Variants in HS3ST4 observed in about 807,000 individuals in gnomAD.
HS3ST4 encodes heparan sulfate glucosamine 3-O-sulfotransferase 4.
HS3ST4 carries 17 observed loss-of-function variants against 29.2 expected under a neutral mutation model. That is an observed-to-expected ratio of 0.58 (90% CI 0.40 to 0.87). The LOEUF (loss-of-function observed/expected upper bound fraction) is 0.87. Ranked by LOEUF, HS3ST4 falls within the 40% of genes least tolerant of loss-of-function variation. The pLI, the probability that HS3ST4 is intolerant of heterozygous loss-of-function variation, is 0.00. For synonymous variants in HS3ST4, 314 were observed against 285.7 expected, an observed-to-expected ratio of 1.10 and a Z score of -1.00; for missense variants, 627 against 634.5, an observed-to-expected ratio of 0.99 and a Z score of 0.13.
intron 1 of HS3ST4, among the ~76,000 whole-genome samples, chr16:25,887,811 C>T (rs941847284): frequency 6.6e-6 from 1 of 150,890 alleles, no homozygotes; most frequent in South Asian, 2.1e-4. Context: ...CATTCTCCTG[C>T]CTCAGCCTCC....
chr16:25,736,322 C>T lies in HS3ST4; in HGVS notation c.734+43171C>T, dbSNP rs180675389. 3.1e-3 allele frequency among the ~76,000 whole-genome samples: 473 copies of T among 152,246 alleles called. 3 individuals are homozygous for T. The highest frequency in any genetic ancestry group is 0.01 in the African/African-American group (436 of 41,532). ...CCTACTGGATGTGGTTCATTTGAAG[C>T]GAGAAAACAAACCTTGCCATATGAA... On this transcript the variant is annotated intron_variant, in intron 1 of 1. Coordinates refer to ENST00000331351, the MANE Select transcript of HS3ST4 (RefSeq NM_006040.3).
intron 1 of HS3ST4, among the ~76,000 whole-genome samples, chr16:26,055,901 A>G (rs1898400304): frequency 6.6e-6 from 1 of 152,122 alleles, no homozygotes; most frequent in Admixed American, 6.6e-5. Flanking sequence ...AGGGTTCTCA[A>G]TGACCTGCTT....
intron 1 of HS3ST4, among the ~76,000 whole-genome samples, chr16:25,992,928 G>T (rs1244405032): frequency 1.3e-5 from 2 of 152,218 alleles, no homozygotes; most frequent in Non-Finnish European, 2.9e-5. Flanking sequence ...GGACATGATT[G>T]TTCTTTCCTC....
intron 1 of HS3ST4, among the ~76,000 whole-genome samples, chr16:26,119,136 G>C (rs1899238266): frequency 1.3e-5 from 2 of 152,204 alleles, no homozygotes; most frequent in South Asian, 2.1e-4. Context: ...GCAAATAGCA[G>C]AGTTAGTATC....
chr16:25,828,242 C>CTTTTTCTATCTTTCTTTCTTTCTT lies in HS3ST4; in HGVS notation c.734+135092_734+135093insTTTTCTATCTTTCTTTCTTTCTTT, dbSNP rs1371928058. ...CTTTCCTTTCTTTCTTTCTTTCTTT[C>CTTTTTCTATCTTTCTTTCTTTCTT]TCTTTCTTTCTTTCTTTCTTTCTTT... is the stretch of plus-strand genomic sequence containing the variant. On this transcript the variant is annotated intron_variant, in intron 1 of 1. Coordinates refer to ENST00000331351, the MANE Select transcript of HS3ST4 (RefSeq NM_006040.3). Among the ~76,000 whole-genome samples the CTTTTTCTATCTTTCTTTCTTTCTT allele has an allele frequency of 4.4e-3, 327 of 75,022 alleles. 22 individuals carry two copies. Among genetic ancestry groups the CTTTTTCTATCTTTCTTTCTTTCTT allele is most frequent in the South Asian group, 6.3e-3 (11 of 1,748 alleles). 49.2% of individuals were successfully genotyped at this position (75,022 alleles called of 152,430 possible). A position where few individuals can be genotyped will look rare whatever the true frequency, so the allele number is the denominator to read the frequency against.
chr16:25,763,741 A>C (rs568185019), intron 1 of HS3ST4, among the ~76,000 whole-genome samples: 232 of 152,322 alleles, frequency 1.5e-3, no homozygotes, highest in African/African-American at 5.2e-3. Context: ...AGGTGTGGCT[A>C]AAGACAATGA....
chr16:25,961,388 C>G (rs1249421261), intron 1 of HS3ST4, among the ~76,000 whole-genome samples: 2 of 152,178 alleles, frequency 1.3e-5, no homozygotes, highest in Non-Finnish European at 2.9e-5. Context: ...GCAACTCATG[C>G]CTTTTATGCA....
Position 25,838,050 on chromosome 16 carries a change from G to A in HS3ST4, c.734+144899G>A, listed in dbSNP as rs148442870. Among the ~76,000 whole-genome samples the A allele has an allele frequency of 4.8e-3, 735 of 152,278 alleles. 6 individuals are homozygous for A. The highest frequency in any genetic ancestry group is 0.027 in the Middle Eastern group (8 of 294). ...AGGCAGCCCAGCATGAAGGTGCAGA[G>A]AACGGACCCTGGAACCAGATTGCCT... On this transcript the variant is annotated intron_variant, in intron 1 of 1. Transcript: ENST00000331351.
intron 1 of HS3ST4, among the ~76,000 whole-genome samples, chr16:26,133,309 A>G (rs1176589058): frequency 6.6e-6 from 1 of 152,094 alleles, no homozygotes; most frequent in Admixed American, 6.6e-5. Flanking sequence ...TATTAACCCT[A>G]TTTTCTTTGA....
intron 1 of HS3ST4, among the ~76,000 whole-genome samples, chr16:26,116,940 GA>G (rs112359562): frequency 0.018 from 2,765 of 152,158 alleles, 77 homozygotes; most frequent in African/African-American, 0.061. Context: ...CCCAGAATCT[GA>G]AAAAAATCCC....
At chr16:25,765,276 G>C (rs1258330183) in intron 1 of HS3ST4, among the ~76,000 whole-genome samples, 1 of 152,186 alleles carries the variant, frequency 6.6e-6, no homozygotes, top group Non-Finnish European at 1.5e-5. Context: ...ATTCTCAAAG[G>C]TACTCCTGTT....
intron 1 of HS3ST4, among the ~76,000 whole-genome samples, chr16:26,114,775 G>A (rs914931763): frequency 2.6e-5 from 4 of 152,064 alleles, no homozygotes; most frequent in African/African-American, 9.7e-5. Context: ...TGGTGAGTGG[G>A]AACAAAATTT....
At chr16:25,991,034 A>G (rs1241794590) in intron 1 of HS3ST4, among the ~76,000 whole-genome samples, 2 of 151,888 alleles carry the variant, frequency 1.3e-5, no homozygotes, top group Non-Finnish European at 2.9e-5. Context: ...ACAGAAACCC[A>G]GAGCGTCACC....
At chr16:25,714,448 C>T (rs141614207) in intron 1 of HS3ST4, among the ~76,000 whole-genome samples, 190 of 152,250 alleles carry the variant, frequency 1.2e-3, no homozygotes, top group Non-Finnish European at 2.0e-3. Context: ...GCTGACTCAC[C>T]GCCTCCTAGA....
intron 1 of HS3ST4, among the ~76,000 whole-genome samples, chr16:25,759,815 C>G (rs1289781446): frequency 6.6e-6 from 1 of 151,978 alleles, no homozygotes; most frequent in Non-Finnish European, 1.5e-5. Flanking sequence ...GTAGTCCCAG[C>G]TACTCGGGAG....
intron 1 of HS3ST4, among the ~76,000 whole-genome samples, chr16:25,754,036 T>G (rs1447361194): frequency 1.3e-5 from 2 of 152,204 alleles, no homozygotes; most frequent in Admixed American, 1.3e-4. Context: ...TAATAATTAT[T>G]GACTTGGTTG....
chr16:25,707,561 G>A (rs60456602), intron 1 of HS3ST4, among the ~76,000 whole-genome samples: 29,051 of 152,204 alleles, frequency 0.19, 3,168 homozygotes, highest in South Asian at 0.42. Context: ...GAACCAGAAG[G>A]TAGTATGAGA....
chr16:26,119,358 A>T (rs1899241480), intron 1 of HS3ST4, among the ~76,000 whole-genome samples: 1 of 152,250 alleles, frequency 6.6e-6, no homozygotes, highest in Admixed American at 6.5e-5. Context: ...GGAATGATGG[A>T]GCGATGGGAA....
At chr16:25,984,800 C>G (rs757992661) in intron 1 of HS3ST4, among the ~76,000 whole-genome samples, 35 of 152,120 alleles carry the variant, frequency 2.3e-4, no homozygotes, top group Non-Finnish European at 4.1e-4. Flanking sequence ...TTTTCTTGAC[C>G]CATTCATCTA....
Sources: gnomAD v4.1 joint callset for allele counts (sites outside exome capture counted in the v4.1 genomes callset) on GRCh38, gnomAD v4.1.1 for gene constraint, MANE v1.5 for transcripts, NCBI Gene and HGNC (gene_info 2026-07-23, HGNC 2026-07-21) for gene names.